THBS2: variants seen among roughly 807,000 people sequenced by gnomAD.
THBS2 encodes thrombospondin 2.
A neutral mutation model predicts 135.2 loss-of-function variants in THBS2; 47 were observed. That is an observed-to-expected ratio of 0.35 (90% confidence interval 0.28 to 0.44). THBS2 has a LOEUF of 0.44. THBS2 is among the 20% of genes least tolerant of loss of function. The pLI is 1.00. For synonymous variants in THBS2, 639 were observed against 633.8 expected, an observed-to-expected ratio of 1.01 and a Z score of -0.12; for missense variants, 1,288 against 1,603.1, an observed-to-expected ratio of 0.80 and a Z score of 3.36.
chr6:169,225,695 G>A (rs12665573), intron 16 of THBS2, among the ~76,000 whole-genome samples: 20,836 of 152,150 alleles, frequency 0.14, 2,203 homozygotes, highest in African/African-American at 0.29. Context: ...CACCATTTGC[G>A]CCATTTACAC....
Position 169,253,165 on chromosome 6 carries a change from ACAAT to A in THBS2, c.-23+555_-23+558del, listed in dbSNP as rs1334211044. On this transcript the variant is annotated intron_variant, in intron 1 of 21. Coordinates refer to ENST00000617924, the MANE Select transcript of THBS2 (RefSeq NM_003247.5). ...CACTTTTCAGCTGCTAATAATGTTA[ACAAT>A]CAGAGTCTCTCTTTAATCTACTAAT... is the stretch of plus-strand genomic sequence containing the variant. Among the ~76,000 whole-genome samples, 5 of 152,094 alleles carry A rather than the reference ACAAT, an allele frequency of 3.3e-5. 1 individual carries two copies. The highest frequency in any genetic ancestry group is 1.2e-4 in the African/African-American group (5 of 41,404).
intron 4 of THBS2, among the ~76,000 whole-genome samples, chr6:169,242,635 C>CT (rs1562363081): frequency 1.3e-4 from 3 of 23,436 alleles, no homozygotes; most frequent in East Asian, 2.9e-3. Context: ...CTTCCCACCA[C>CT]TCCCACCTTC....
At chr6:169,222,530 C>G (rs1055230918) in intron 18 of THBS2, 62 bp from the exon 19 acceptor site, 7 of 1,558,504 alleles carry the variant, frequency 4.5e-6, no homozygotes, top group Non-Finnish European at 6.1e-6. Context: ...AGTAGTGACT[C>G]ATGCCTGTAA....
chr6:169,217,434 A>G lies in THBS2; in HGVS notation c.*388T>C, dbSNP rs1489318706. Reference sequence around the variant, plus strand: ...CAATATTTTTCATGCTTAATTTATCATAATGGCTTATGCACAGTATTCCCT... The same window carrying G: ...CAATATTTTTCATGCTTAATTTATCGTAATGGCTTATGCACAGTATTCCCT... On this transcript the variant is annotated 3_prime_UTR_variant, in exon 22 of 22. Coordinates refer to ENST00000617924, the MANE Select transcript of THBS2 (RefSeq NM_003247.5). The G allele has an allele frequency of 1.4e-5, 3 of 207,740 alleles. No individual in the cohort carries two copies. Among genetic ancestry groups the G allele is most frequent in the African/African-American group, 6.9e-5 (3 of 43,726 alleles). The allele number at this position is 207,740 out of a possible 1,614,324, so 12.9% of individuals were successfully genotyped here.
chr6:169,224,907 C>T (rs763030362), intron 17 of THBS2, among the ~76,000 whole-genome samples: 5 of 152,296 alleles, frequency 3.3e-5, no homozygotes, highest in African/African-American at 9.6e-5. Flanking sequence ...CTCCTCCCGA[C>T]GTGCACACAC....
At chr6:169,232,359 T>G (rs146413772) in intron 12 of THBS2, among the ~76,000 whole-genome samples, 161 bp from the exon 13 acceptor site, 1 of 152,326 alleles carries the variant, frequency 6.6e-6, no homozygotes, top group East Asian at 1.9e-4. Context: ...GAGGTGCTGT[T>G]CGTTCCTGAG....
intron 2 of THBS2, among the ~76,000 whole-genome samples, chr6:169,250,131 C>A (rs975387782): frequency 6.6e-6 from 1 of 152,146 alleles, no homozygotes; most frequent in Non-Finnish European, 1.5e-5. Context: ...CACAGGGTTG[C>A]TGACAGAAGT....
Position 169,247,509 on chromosome 6 carries a change from T to A in THBS2, c.609+908A>T, listed in dbSNP as rs116594850. On this transcript the variant is annotated intron_variant, in intron 3 of 21. Coordinates refer to ENST00000617924, the MANE Select transcript of THBS2 (RefSeq NM_003247.5). ...TGGTTCTGTGTATGCATCTATATGA[T>A]GTTCATGTGTTTATGTGTGGGGGAT... 4.0e-3 allele frequency among the ~76,000 whole-genome samples: 538 copies of A among 133,292 alleles called. 5 individuals are homozygous for A. The highest frequency in any genetic ancestry group is 0.014 in the African/African-American group (518 of 37,410). The allele number at this position is 133,292 out of a possible 152,430, so 87.4% of individuals were successfully genotyped here.
chr6:169,240,430 G>A, intron 6 of THBS2, 22 bp downstream of exon 6: 7 of 1,610,634 alleles, frequency 4.3e-6, no homozygotes, highest in Middle Eastern at 1.9e-4. Flanking sequence ...CTTCCCCCAA[G>A]AGCCGTGTTC....
At chr6:169,232,533 C>G in intron 12 of THBS2, 131 bp downstream of exon 12, 1 of 1,443,414 alleles carries the variant, frequency 6.9e-7, no homozygotes, top group South Asian at 1.4e-5. Flanking sequence ...CTCAGCTTCC[C>G]CGGGCCAGCC....
At chr6:169,242,411 G>A (rs980659334) in intron 4 of THBS2, among the ~76,000 whole-genome samples, 37 of 151,936 alleles carry the variant, frequency 2.4e-4, no homozygotes, top group African/African-American at 8.7e-4. Flanking sequence ...GGCTCCTCTC[G>A]ACTCTTCATC....
rs1583400676 is a variant in THBS2 at position 169,217,689 on chromosome 6, G to C, written c.*133C>G. The C allele has an allele frequency of 2.4e-6, 2 of 839,142 alleles. No homozygotes were observed. Among genetic ancestry groups the C allele is most frequent in the Non-Finnish European group, 3.5e-6 (2 of 569,638 alleles). The allele number at this position is 839,142 out of a possible 1,614,324, so 52.0% of individuals were successfully genotyped here. On this transcript the variant is annotated 3_prime_UTR_variant, in exon 22 of 22. Transcript: ENST00000617924. ...GGGTTTGGGGTTGCTGGCAGGAGGT[G>C]AAGAACCATCAGAGTTAAGGTCAAG... is the stretch of plus-strand genomic sequence containing the variant.
intron 14 of THBS2, among the ~76,000 whole-genome samples, chr6:169,228,634 C>T (rs1436768593): frequency 2.0e-5 from 3 of 151,646 alleles, no homozygotes; most frequent in East Asian, 1.9e-4. Flanking sequence ...CTTTAAAAAG[C>T]CAGTTAGGCC....
chr6:169,219,384 AATGGATGGATGG>A (rs992088419), intron 21 of THBS2, among the ~76,000 whole-genome samples: 3 of 132,676 alleles, frequency 2.3e-5, no homozygotes, highest in Non-Finnish European at 1.6e-5. Context: ...TGGGTGGATG[AATGGATGGATGG>A]ATGGGTGGAT....
chr6:169,253,403 G>A (rs920315156), intron 1 of THBS2, among the ~76,000 whole-genome samples: 18 of 152,102 alleles, frequency 1.2e-4, no homozygotes, highest in Admixed American at 2.6e-4. Context: ...AACATAAAGC[G>A]TTTACCCGGG....
In THBS2 at chr6:169,222,286, C is replaced by T. The variant is rs762579126; in HGVS notation, c.3184G>A (p.Gly1062Ser). 4.3e-6 allele frequency: 7 copies of T among 1,613,304 alleles called. No homozygotes were observed. The highest frequency in any genetic ancestry group is 2.2e-5 in the East Asian group (1 of 44,868). Residue 1062 changes from glycine (G) to serine (S), a missense_variant, in exon 19 of 22, where the codon GGC becomes AGC. Physicochemically the swap from Gly to Ser is moderately conservative, Grantham distance 56. This residue lies in a region of THBS2 where 874 missense variants were observed against 1,156.1 expected (regional missense o/e 0.76). Coordinates refer to ENST00000617924, the MANE Select transcript of THBS2 (RefSeq NM_003247.5). ...GAGTTCACCACCTTGAGGGACACGCCGGAGTAGCCATAGGCCCGCGTGGGC... is the reference window on the plus strand; with the variant it reads ...GAGTTCACCACCTTGAGGGACACGCTGGAGTAGCCATAGGCCCGCGTGGGC... ...DQPTRAYGYS[G>S]VSLKVVNSTT...
intron 21 of THBS2, among the ~76,000 whole-genome samples, chr6:169,219,213 A>G (rs1156890906): frequency 8.3e-6 from 1 of 121,140 alleles, no homozygotes; most frequent in Non-Finnish European, 1.7e-5. Flanking sequence ...GATGGATGAA[A>G]TGGATGAGTG....
rs1007985145 is a variant in THBS2 at position 169,249,009 on chromosome 6, G to A, written c.53-36C>T. The stretch of plus-strand genomic sequence containing the variant: ...AACCGCAGTGGAGAAGGGTGACGTA[G>A]GGGAAGAGGGCGAGGTTGGCCTGAC... On this transcript the variant is annotated intron_variant, in intron 2 of 21. Transcript: ENST00000617924. 9 of 1,560,954 alleles carry A rather than the reference G, an allele frequency of 5.8e-6. No homozygotes were observed. The South Asian group carries it at 1.1e-4, about 19-fold the overall frequency.
chr6:169,242,708 C>CAA (rs1780373054), intron 4 of THBS2, among the ~76,000 whole-genome samples: 1 of 102,704 alleles, frequency 9.7e-6, no homozygotes, highest in Non-Finnish European at 2.2e-5. Flanking sequence ...ACCTTCCCAC[C>CAA]ACTCCCACCT....
Sources: allele counts gnomAD v4.1 joint callset (sites outside exome capture counted in the v4.1 genomes callset), GRCh38; gene constraint gnomAD v4.1.1; regional missense constraint gnomAD v4.1.1; transcripts MANE v1.5; gene names NCBI Gene and HGNC (gene_info 2026-07-23, HGNC 2026-07-21).